Variants in NFIA observed in about 807,000 individuals in gnomAD.
The protein encoded by NFIA is nuclear factor 1 A-type.
In NFIA, 8 loss-of-function variants were observed where a neutral mutation model predicts 62.8. That is an observed-to-expected ratio of 0.13 (90% CI 0.07 to 0.23). The LOEUF (loss-of-function observed/expected upper bound fraction) is 0.23, where lower values mean the gene tolerates loss of function less well. NFIA is among the 10% of genes least tolerant of loss of function. The probability of loss-of-function intolerance (pLI) is 1.00; values close to 1 mark genes in which losing one functional copy is unlikely to be tolerated. For synonymous variants in NFIA, 235 were observed against 238.1 expected, an observed-to-expected ratio of 0.99 and a Z score of 0.12; for missense variants, 410 against 642.1, an observed-to-expected ratio of 0.64 and a Z score of 3.91.
intron 3 of NFIA, among the ~76,000 whole-genome samples, chr1:61,332,262 G>T (rs1661337914): frequency 6.6e-6 from 1 of 152,008 alleles, no homozygotes; most frequent in South Asian, 2.1e-4. Context: ...CATATTTCCG[G>T]TTGAATTTTT....
chr1:61,294,685 T>C (rs80207081), intron 3 of NFIA, among the ~76,000 whole-genome samples: 4,443 of 152,326 alleles, frequency 0.029, 85 homozygotes, highest in Middle Eastern at 0.054. Context: ...GTTTTCTCTT[T>C]AGCACAGTGC....
intron 5 of NFIA, among the ~76,000 whole-genome samples, chr1:61,353,665 T>C (rs1662673374): frequency 6.6e-6 from 1 of 152,210 alleles, no homozygotes; most frequent in African/African-American, 2.4e-5. Context: ...TTTATATATT[T>C]TAAACATCAC....
chr1:61,114,303 T>C (rs1304219472), intron 2 of NFIA, among the ~76,000 whole-genome samples: 1 of 152,040 alleles, frequency 6.6e-6, no homozygotes, highest in Admixed American at 6.5e-5. Flanking sequence ...CTGGACAACA[T>C]AGCAAGACCC....
intron 2 of NFIA, among the ~76,000 whole-genome samples, chr1:61,276,195 T>C (rs907580003): frequency 6.6e-6 from 1 of 152,204 alleles, no homozygotes; most frequent in Admixed American, 6.5e-5. Context: ...TTAAAATGGA[T>C]ATTTTTTGCT....
At chr1:61,422,673 G>A (rs576786361) in intron 9 of NFIA, among the ~76,000 whole-genome samples, 5 of 151,304 alleles carry the variant, frequency 3.3e-5, no homozygotes, top group South Asian at 2.1e-4. Flanking sequence ...TTGGGAGGCC[G>A]AGGCGAGAGG....
intron 2 of NFIA, among the ~76,000 whole-genome samples, chr1:61,122,467 C>G (rs1019671677): frequency 6.6e-6 from 1 of 152,178 alleles, no homozygotes; most frequent in Admixed American, 6.5e-5. Flanking sequence ...ACCTACTATT[C>G]TCTCCTGACA....
At chr1:61,406,779 G>T (rs776326028) in intron 9 of NFIA, 52 bp downstream of exon 9, 2 of 1,501,742 alleles carry the variant, frequency 1.3e-6, no homozygotes, top group African/African-American at 1.4e-5. Context: ...GTATGCACTG[G>T]AATCCACACT....
chr1:61,427,200 A>G (rs1047685861), intron 10 of NFIA, among the ~76,000 whole-genome samples: 5 of 152,154 alleles, frequency 3.3e-5, no homozygotes, highest in Non-Finnish European at 7.4e-5. Context: ...GCCCATAGAC[A>G]GTTGTGTTTT....
intron 2 of NFIA, among the ~76,000 whole-genome samples, chr1:61,183,330 G>A (rs72664856): frequency 0.078 from 11,918 of 152,258 alleles, 651 homozygotes; most frequent in South Asian, 0.14. Context: ...AAGGTCACAG[G>A]TCTTATCTAG....
intron 6 of NFIA, among the ~76,000 whole-genome samples, chr1:61,364,827 T>C (rs1663496912): frequency 6.6e-6 from 1 of 152,140 alleles, no homozygotes; most frequent in Non-Finnish European, 1.5e-5. Flanking sequence ...CTTCTACAAG[T>C]GTAAGGAGCA....
chr1:61,314,677 T>C (rs1171494226), intron 3 of NFIA, among the ~76,000 whole-genome samples: 5 of 152,208 alleles, frequency 3.3e-5, no homozygotes, highest in African/African-American at 1.2e-4. Context: ...TTCCTATCCA[T>C]AGGGTTATCC....
At chr1:61,199,289 C>T (rs907958146) in intron 2 of NFIA, among the ~76,000 whole-genome samples, 6 of 152,158 alleles carry the variant, frequency 3.9e-5, no homozygotes, top group South Asian at 2.1e-4. Flanking sequence ...TAGGTCCCTT[C>T]GTGCAAAGCA....
intron 2 of NFIA, among the ~76,000 whole-genome samples, chr1:61,137,136 T>C (rs370689954): frequency 9.2e-5 from 14 of 152,162 alleles, no homozygotes; most frequent in Admixed American, 3.3e-4. Context: ...CAGAAACTTA[T>C]AGCTTTTGGA....
At chr1:61,163,885 G>A (rs1649390276) in intron 2 of NFIA, among the ~76,000 whole-genome samples, 1 of 152,202 alleles carries the variant, frequency 6.6e-6, no homozygotes, top group African/African-American at 2.4e-5. Flanking sequence ...AAGGCCATGA[G>A]TCCCAGTTGA....
intron 2 of NFIA, among the ~76,000 whole-genome samples, chr1:61,210,176 C>G (rs1570386452): frequency 6.6e-6 from 1 of 152,118 alleles, no homozygotes; most frequent in African/African-American, 2.4e-5. Flanking sequence ...TTCCTTAGCT[C>G]AGGGCTGTCT....
chr1:61,273,181 G>A (rs1194035212), intron 2 of NFIA, among the ~76,000 whole-genome samples: 2 of 152,120 alleles, frequency 1.3e-5, no homozygotes, highest in Non-Finnish European at 2.9e-5. Context: ...GGATTTTGAG[G>A]CAGTCTACAG....
At chr1:61,338,372 A>G (rs1328250032) in intron 4 of NFIA, among the ~76,000 whole-genome samples, 1 of 152,226 alleles carries the variant, frequency 6.6e-6, no homozygotes, top group African/African-American at 2.4e-5. Context: ...AACCAGGCAT[A>G]TGCCTCAGCC....
At chr1:61,323,314 A>G (rs901989249) in intron 3 of NFIA, among the ~76,000 whole-genome samples, 1 of 152,190 alleles carries the variant, frequency 6.6e-6, no homozygotes, top group Non-Finnish European at 1.5e-5. Flanking sequence ...GCATTTTGCA[A>G]ATTCTCAGGC....
At chr1:61,099,268 G>A (rs892474263) in intron 2 of NFIA, among the ~76,000 whole-genome samples, 7 of 152,134 alleles carry the variant, frequency 4.6e-5, no homozygotes, top group African/African-American at 1.4e-4. Context: ...GGGTGGGGAC[G>A]ATGAATAAGT....
Sources: gnomAD v4.1 joint callset for allele counts (sites outside exome capture counted in the v4.1 genomes callset) on GRCh38, gnomAD v4.1.1 for gene constraint, MANE v1.5 for transcripts, NCBI Gene and HGNC (gene_info 2026-07-23, HGNC 2026-07-21) for gene names.